Variants in TSPAN7 observed in about 807,000 individuals in gnomAD.
The protein encoded by TSPAN7 is tetraspanin 7.
Under a neutral mutation model 17.6 loss-of-function variants are expected in TSPAN7, and 1 was observed. The ratio of observed to expected loss-of-function variants is 0.06; its 90% CI spans 0.02 to 0.27. The LOEUF is 0.27. Ranked by LOEUF, TSPAN7 falls within the 10% of genes least tolerant of loss-of-function variation. The pLI, the probability that TSPAN7 is intolerant of heterozygous loss-of-function variation, is 1.00. For missense variants in TSPAN7, 112 were observed against 201.7 expected (o/e 0.56, Z 2.69); for synonymous variants, 78 against 79.0 (o/e 0.99, Z 0.07).
chrX:38,563,143 T>C (rs768985182), intron 1 of TSPAN7: 1 of 961,732 alleles, frequency 1.0e-6, no homozygotes, highest in African/African-American at 2.0e-5. Flanking sequence ...AGGGAAGGTA[T>C]GGACTCCCCA....
intron 2 of TSPAN7, among the ~76,000 whole-genome samples, chrX:38,667,747 G>A (rs541634625): frequency 8.9e-6 from 1 of 112,165 alleles, no homozygotes; most frequent in East Asian, 2.8e-4. Flanking sequence ...GCTGTCACCT[G>A]GCACTCTATT....
At position 38,627,669 on chromosome X, in the gene TSPAN7, C is replaced by T. The variant is rs139987353; in HGVS notation, c.82-38452C>T. Among the ~76,000 whole-genome samples the T allele has an allele frequency of 6.8e-3, 755 of 111,717 alleles. 6 individuals are homozygous for T. Among genetic ancestry groups the T allele is most frequent in the African/African-American group, 0.024 (729 of 30,719 alleles). On this transcript the variant is annotated intron_variant, in intron 1 of 7. Transcript: ENST00000378482. ...AAAGTCTGTGTAGTTGTCTCAAACC[C>T]CTGCCAAAGCTAAAGTGACTCAAAC...
chrX:38,597,996 C>T (rs1468105733), intron 1 of TSPAN7, among the ~76,000 whole-genome samples: 1 of 111,662 alleles, frequency 9.0e-6, no homozygotes, highest in Non-Finnish European at 1.9e-5. Context: ...AGGCATGGCA[C>T]TTGAAACAAT....
At chrX:38,567,015 T>C (rs1483472735) in intron 1 of TSPAN7, among the ~76,000 whole-genome samples, 2 of 112,160 alleles carry the variant, frequency 1.8e-5, no homozygotes, top group Non-Finnish European at 1.9e-5. Context: ...ATCAAATTCT[T>C]CTATGATAAA....
At chrX:38,670,773 A>G (rs1372589092) in intron 2 of TSPAN7, among the ~76,000 whole-genome samples, 1 of 112,794 alleles carries the variant, frequency 8.9e-6, no homozygotes, top group Non-Finnish European at 1.9e-5. Flanking sequence ...GTTCACAAAC[A>G]TGATGGGCTA....
At chrX:38,582,439 C>T (rs2069232643) in intron 1 of TSPAN7, among the ~76,000 whole-genome samples, 1 of 112,254 alleles carries the variant, frequency 8.9e-6, no homozygotes, top group Non-Finnish European at 1.9e-5. Flanking sequence ...CCAGATCTAT[C>T]AAGTGGCAGA....
chrX:38,582,337 C>T (rs2069232012), intron 1 of TSPAN7, among the ~76,000 whole-genome samples: 1 of 111,981 alleles, frequency 8.9e-6, no homozygotes. Flanking sequence ...CAAAGCTCAA[C>T]ACAAAATGTT....
At chrX:38,608,100 A>G (rs2069395017) in intron 1 of TSPAN7, 1 of 110,434 alleles carries the variant, frequency 9.1e-6, no homozygotes, top group Non-Finnish European at 1.9e-5. Context: ...GGTAAGAAAT[A>G]AGTCGAAGTA....
intron 1 of TSPAN7, chrX:38,563,009 A>G (rs1401504283): frequency 1.2e-5 from 12 of 971,314 alleles, no homozygotes; most frequent in Non-Finnish European, 1.6e-5. Flanking sequence ...ACCGAGAATC[A>G]GCTAGATGGC....
intron 1 of TSPAN7, among the ~76,000 whole-genome samples, chrX:38,646,519 A>T (rs1273178913): frequency 3.6e-5 from 4 of 112,068 alleles, no homozygotes; most frequent in Non-Finnish European, 7.5e-5. Flanking sequence ...TAGTTGGAGA[A>T]AGTGCGTTCG....
intron 1 of TSPAN7, among the ~76,000 whole-genome samples, chrX:38,665,646 A>C (rs1315814233): frequency 8.9e-6 from 1 of 112,064 alleles, no homozygotes; most frequent in East Asian, 2.8e-4. Context: ...TTTTTGTGGA[A>C]ATTTCTGCAA....
intron 1 of TSPAN7, chrX:38,646,124 G>A: frequency 4.3e-6 from 2 of 466,802 alleles, no homozygotes; most frequent in Non-Finnish European, 6.4e-6. Flanking sequence ...TTTTAAACTA[G>A]TAATAGTTGG....
At chrX:38,667,409 A>AT (rs1214912480) in intron 2 of TSPAN7, among the ~76,000 whole-genome samples, 4 of 112,547 alleles carry the variant, frequency 3.6e-5, no homozygotes, top group African/African-American at 9.7e-5. Flanking sequence ...AAAAATATTT[A>AT]TTTCAGGCAT....
At chrX:38,563,743 A>G (rs2069127285) in intron 1 of TSPAN7, among the ~76,000 whole-genome samples, 1 of 111,154 alleles carries the variant, frequency 9.0e-6, no homozygotes, top group African/African-American at 3.3e-5. Flanking sequence ...TACTTTCAAG[A>G]TTTTCATAGT....
At chrX:38,649,711 G>A (rs909693550) in intron 1 of TSPAN7, among the ~76,000 whole-genome samples, 23 of 112,140 alleles carry the variant, frequency 2.1e-4, no homozygotes, top group African/African-American at 7.1e-4. Flanking sequence ...TTCTGATGCT[G>A]TACAGGATGC....
chrX:38,674,137 CTA>C (rs2069838528), intron 3 of TSPAN7, 82 bp from the exon 4 acceptor site: 1 of 708,975 alleles, frequency 1.4e-6, no homozygotes, highest in South Asian at 2.3e-5. Context: ...TCAGAAGAGG[CTA>C]TGTTAGGGTA....
At chrX:38,576,889 T>A (rs947657634) in intron 1 of TSPAN7, among the ~76,000 whole-genome samples, 1 of 112,043 alleles carries the variant, frequency 8.9e-6, no homozygotes, top group African/African-American at 3.2e-5. Flanking sequence ...GACTAGTCCA[T>A]ACTTTTGAGC....
intron 1 of TSPAN7, among the ~76,000 whole-genome samples, chrX:38,645,688 A>G (rs1027110758): frequency 2.1e-4 from 24 of 112,147 alleles, no homozygotes; most frequent in Admixed American, 6.6e-4. Context: ...GCCAGAGCAA[A>G]CCTCTGGATT....
At chrX:38,682,625 T>A (rs1035229191) in intron 6 of TSPAN7, among the ~76,000 whole-genome samples, 4 of 112,410 alleles carry the variant, frequency 3.6e-5, no homozygotes, top group African/African-American at 1.3e-4. Flanking sequence ...ATTTCAAAAC[T>A]ATCTTTTACC....
Sources: gnomAD v4.1 joint callset for allele counts (sites outside exome capture counted in the v4.1 genomes callset) on GRCh38, gnomAD v4.1.1 for gene constraint, MANE v1.5 for transcripts, NCBI Gene and HGNC (gene_info 2026-07-23, HGNC 2026-07-21) for gene names.